ASTN2: variants seen among roughly 807,000 people sequenced by gnomAD.
The protein encoded by ASTN2 is astrotactin-2.
A neutral mutation model predicts 139.8 loss-of-function variants in ASTN2; 54 were observed. That is an observed-to-expected ratio of 0.39 (90% CI 0.31 to 0.48). The LOEUF (loss-of-function observed/expected upper bound fraction) is 0.48, where lower values mean the gene tolerates loss of function less well. Among genes scored for constraint, ASTN2 ranks in the 20% least tolerant of loss-of-function variants. The pLI is 0.95. For synonymous variants in ASTN2, 756 were observed against 719.5 expected, an observed-to-expected ratio of 1.05 and a Z score of -0.81; for missense variants, 1,565 against 1,725.1, an observed-to-expected ratio of 0.91 and a Z score of 1.64.
At chr9:117,183,552 G>A (rs929310709) in intron 3 of ASTN2, among the ~76,000 whole-genome samples, 1 of 152,148 alleles carries the variant, frequency 6.6e-6, no homozygotes, top group African/African-American at 2.4e-5. Flanking sequence ...GAGAGGAAGG[G>A]GAGCATTTAC....
chr9:116,916,433 G>A (rs184575313), intron 10 of ASTN2, among the ~76,000 whole-genome samples: 1 of 152,310 alleles, frequency 6.6e-6, no homozygotes, highest in Non-Finnish European at 1.5e-5. Flanking sequence ...GCTCAGAAAG[G>A]TGTAAACAGC....
At chr9:116,515,679 T>C (rs1850617442) in intron 19 of ASTN2, among the ~76,000 whole-genome samples, 1 of 152,200 alleles carries the variant, frequency 6.6e-6, no homozygotes, top group Admixed American at 6.5e-5. Flanking sequence ...GAGGTTACTG[T>C]TACTAGCAGC....
intron 12 of ASTN2, among the ~76,000 whole-genome samples, chr9:116,817,950 G>A (rs1048914172): frequency 7.2e-5 from 11 of 152,104 alleles, no homozygotes; most frequent in Non-Finnish European, 1.5e-4. Context: ...CATCAGATCT[G>A]TCTTGACTGA....
chr9:117,233,762 G>A (rs936921792), intron 2 of ASTN2, among the ~76,000 whole-genome samples: 2 of 152,144 alleles, frequency 1.3e-5, no homozygotes, highest in African/African-American at 4.8e-5. Context: ...CAATGAGACT[G>A]ACCAAGGAAG....
At chr9:116,981,427 G>A (rs1479209775) in intron 7 of ASTN2, among the ~76,000 whole-genome samples, 1 of 152,216 alleles carries the variant, frequency 6.6e-6, no homozygotes, top group African/African-American at 2.4e-5. Flanking sequence ...AAACACAAGT[G>A]CTGATGAAAT....
In ASTN2 at chr9:117,026,997, G is replaced by T. The variant is rs1176349513; in HGVS notation, c.1423+12822C>A. Reference sequence around the variant, plus strand: ...CAAACTCTGGCAGTGAGATTCTGTAGCCCAGACTCTTAACCAAATTAGACA... The same window carrying T: ...CAAACTCTGGCAGTGAGATTCTGTATCCCAGACTCTTAACCAAATTAGACA... On this transcript the variant is annotated intron_variant, in intron 6 of 22. Transcript: ENST00000313400. 2.0e-5 allele frequency among the ~76,000 whole-genome samples: 3 copies of T among 152,130 alleles called. No homozygotes were observed. In the East Asian group the frequency reaches 5.8e-4, roughly 29 times the overall value.
intron 5 of ASTN2, among the ~76,000 whole-genome samples, chr9:117,079,948 G>T (rs968967838): frequency 2.3e-5 from 1 of 43,828 alleles, no homozygotes; most frequent in Non-Finnish European, 4.9e-5. Flanking sequence ...ACCACTCATA[G>T]AAGAAAGAGC....
chr9:117,277,793 C>T (rs1454514458), intron 2 of ASTN2, among the ~76,000 whole-genome samples: 3 of 152,164 alleles, frequency 2.0e-5, no homozygotes, highest in Non-Finnish European at 4.4e-5. Flanking sequence ...TCTGGGTAAA[C>T]TACCCTAAAT....
At chr9:116,946,742 G>C (rs1189333066) in intron 10 of ASTN2, among the ~76,000 whole-genome samples, 1 of 152,046 alleles carries the variant, frequency 6.6e-6, no homozygotes, top group African/African-American at 2.4e-5. Flanking sequence ...GGGGCTTGAG[G>C]TGGGAAGGAT....
intron 1 of ASTN2, among the ~76,000 whole-genome samples, chr9:117,301,413 G>A (rs1834872137): frequency 1.3e-5 from 2 of 152,178 alleles, no homozygotes; most frequent in Non-Finnish European, 1.5e-5. Flanking sequence ...GCCAGGCTAA[G>A]GGCTTTCATT....
chr9:116,742,880 G>A (rs982557959), intron 13 of ASTN2, among the ~76,000 whole-genome samples: 1 of 152,174 alleles, frequency 6.6e-6, no homozygotes, highest in Non-Finnish European at 1.5e-5. Context: ...TTAGAACCAA[G>A]GGGGCTTCAG....
At chr9:116,984,725 G>T (rs1836628980) in intron 7 of ASTN2, among the ~76,000 whole-genome samples, 1 of 152,228 alleles carries the variant, frequency 6.6e-6, no homozygotes, top group Non-Finnish European at 1.5e-5. Flanking sequence ...TATAAGTAAT[G>T]TCATCAGGGG....
intron 1 of ASTN2, among the ~76,000 whole-genome samples, chr9:117,336,640 G>C (rs1295281102): frequency 6.6e-6 from 1 of 152,180 alleles, no homozygotes; most frequent in East Asian, 1.9e-4. Flanking sequence ...TCACTGCCAT[G>C]AAGGTTCTGG....
chr9:117,386,978 A>T (rs1006132970), intron 1 of ASTN2, among the ~76,000 whole-genome samples: 2 of 152,172 alleles, frequency 1.3e-5, no homozygotes, highest in African/African-American at 4.8e-5. Context: ...CAGTCCTGCC[A>T]CCAACACCCT....
At chr9:117,259,123 A>C (rs2133104995) in intron 2 of ASTN2, among the ~76,000 whole-genome samples, 1 of 152,222 alleles carries the variant, frequency 6.6e-6, no homozygotes, top group Middle Eastern at 3.4e-3. Flanking sequence ...TCTTTGGATG[A>C]AATTGTCCAT....
intron 10 of ASTN2, among the ~76,000 whole-genome samples, chr9:116,876,489 C>T (rs1394940853): frequency 1.3e-5 from 2 of 152,204 alleles, no homozygotes; most frequent in Non-Finnish European, 2.9e-5. Context: ...TGAAAAAATT[C>T]ACTTTCAAAA....
chr9:116,498,992 T>C (rs1421839449), intron 19 of ASTN2, among the ~76,000 whole-genome samples: 3 of 152,184 alleles, frequency 2.0e-5, no homozygotes, highest in Non-Finnish European at 4.4e-5. Flanking sequence ...AACTCTTCCC[T>C]AGTTCTCTAA....
chr9:117,045,981 TAC>T (rs1261977721), intron 5 of ASTN2, among the ~76,000 whole-genome samples: 5 of 124,378 alleles, frequency 4.0e-5, no homozygotes, highest in South Asian at 2.9e-4. Context: ...TGTATGTATG[TAC>T]GTACGTACGT....
chr9:116,917,224 AG>A lies in ASTN2; in HGVS notation c.1890-53492del, dbSNP rs781539717. Among the ~76,000 whole-genome samples, 192 of 152,244 alleles carry A rather than the reference AG, an allele frequency of 1.3e-3. 1 individual carries two copies. Among genetic ancestry groups the A allele is most frequent in the Non-Finnish European group, 2.4e-3 (161 of 68,014 alleles). ...AAAAAAGCTGTCCAACCCTCTCCAT[AG>A]GTCCCTTGATCCCAGTGAACTCTCA... On this transcript the variant is annotated intron_variant, in intron 10 of 22. Transcript: ENST00000313400.
Sources: allele counts gnomAD v4.1 joint callset (sites outside exome capture counted in the v4.1 genomes callset), GRCh38; gene constraint gnomAD v4.1.1; transcripts MANE v1.5; gene names NCBI Gene and HGNC (gene_info 2026-07-23, HGNC 2026-07-21).